SYT1: variants seen among roughly 807,000 people sequenced by gnomAD.
SYT1 encodes the protein synaptotagmin-1.
A neutral mutation model predicts 44.8 loss-of-function variants in SYT1; 8 were observed. The observed-to-expected ratio is 0.18, with a 90% CI of 0.10 to 0.32. The LOEUF is 0.32. SYT1 is among the 10% of genes least tolerant of loss of function. The probability of loss-of-function intolerance (pLI) is 1.00; values close to 1 mark genes in which losing one functional copy is unlikely to be tolerated. For missense variants in SYT1, 286 were observed against 509.3 expected (o/e 0.56, Z 4.22); for synonymous variants, 154 against 188.8 (o/e 0.82, Z 1.51).
intron 4 of SYT1, among the ~76,000 whole-genome samples, chr12:79,218,469 A>C (rs566663884): frequency 6.6e-6 from 1 of 152,262 alleles, no homozygotes; most frequent in South Asian, 2.1e-4. Context: ...GATCTCTCGA[A>C]CTTATTTCTC....
At chr12:79,120,969 ACAC>A (rs1274378026) in intron 3 of SYT1, among the ~76,000 whole-genome samples, 1 of 149,070 alleles carries the variant, frequency 6.7e-6, no homozygotes, top group Non-Finnish European at 1.5e-5. Flanking sequence ...ATATACACAC[ACAC>A]ATTTGTATAT....
At chr12:79,187,209 G>A (rs938906122) in intron 3 of SYT1, among the ~76,000 whole-genome samples, 7 of 152,050 alleles carry the variant, frequency 4.6e-5, no homozygotes, top group South Asian at 2.1e-4. Flanking sequence ...ATACACCAGC[G>A]AAGAATAAAA....
chr12:78,905,841 T>C (rs1416442766), intron 1 of SYT1, among the ~76,000 whole-genome samples: 1 of 152,060 alleles, frequency 6.6e-6, no homozygotes, highest in Non-Finnish European at 1.5e-5. Context: ...GTAAAATCTA[T>C]TTAAAACTCT....
chr12:79,368,624 T>C (rs1247029365), intron 9 of SYT1, among the ~76,000 whole-genome samples: 1 of 151,616 alleles, frequency 6.6e-6, no homozygotes, highest in Non-Finnish European at 1.5e-5. Context: ...ATTGTGGTTT[T>C]GATTTGCATT....
At chr12:78,972,243 T>A (rs949943237) in intron 1 of SYT1, among the ~76,000 whole-genome samples, 7 of 152,074 alleles carry the variant, frequency 4.6e-5, no homozygotes, top group African/African-American at 1.7e-4. Flanking sequence ...TCAGTGTAAT[T>A]ATTCCTTAAA....
intron 3 of SYT1, among the ~76,000 whole-genome samples, chr12:79,215,048 C>G (rs1215199981): frequency 6.6e-6 from 1 of 150,416 alleles, no homozygotes; most frequent in Non-Finnish European, 1.5e-5. Flanking sequence ...ACAGTTTTAC[C>G]CAAGTTGTAT....
At chr12:78,962,620 A>T (rs1879570939) in intron 1 of SYT1, among the ~76,000 whole-genome samples, 1 of 152,064 alleles carries the variant, frequency 6.6e-6, no homozygotes, top group Non-Finnish European at 1.5e-5. Flanking sequence ...GTGTATTCTC[A>T]TTCGTAATCT....
rs1003066655 is a variant in SYT1 at position 79,044,551 on chromosome 12, A to G, written c.-83-2746A>G. Among the ~76,000 whole-genome samples, 4 of 142,752 alleles carry G rather than the reference A, an allele frequency of 2.8e-5. No individual in the cohort carries two copies. In the Admixed American group the frequency reaches 2.9e-4, roughly 10 times the overall value. 93.7% of individuals were successfully genotyped at this position (142,752 alleles called of 152,430 possible). On this transcript the variant is annotated intron_variant, in intron 2 of 10. Coordinates refer to ENST00000261205, the MANE Select transcript of SYT1 (RefSeq NM_005639.3). ...TTCTAAATTTTTTTTCAAAGTTTTC[A>G]ACTTCTTTGCCTTTGGTTTGAATGT...
At chr12:79,053,419 A>T (rs1874679397) in intron 3 of SYT1, among the ~76,000 whole-genome samples, 1 of 152,014 alleles carries the variant, frequency 6.6e-6, no homozygotes, top group Non-Finnish European at 1.5e-5. Context: ...ATGACGAGTT[A>T]ATGGGTGCAG....
chr12:78,932,345 C>A (rs565587473), intron 1 of SYT1, among the ~76,000 whole-genome samples: 9 of 152,082 alleles, frequency 5.9e-5, no homozygotes, highest in Non-Finnish European at 1.2e-4. Flanking sequence ...GCCTCAGTTT[C>A]CTCATGCATA....
intron 3 of SYT1, among the ~76,000 whole-genome samples, chr12:79,204,102 T>C (rs73343561): frequency 6.6e-6 from 1 of 152,370 alleles, no homozygotes; most frequent in African/African-American, 2.4e-5. Flanking sequence ...GCAAATTCTC[T>C]CATCTATAAT....
intron 3 of SYT1, among the ~76,000 whole-genome samples, chr12:79,206,466 G>A (rs1874133917): frequency 1.3e-5 from 2 of 152,090 alleles, no homozygotes; most frequent in African/African-American, 4.8e-5. Flanking sequence ...GGGCCTGGCA[G>A]ACAGTGATAG....
At chr12:79,117,193 G>C (rs904141635) in intron 3 of SYT1, among the ~76,000 whole-genome samples, 1 of 152,052 alleles carries the variant, frequency 6.6e-6, no homozygotes, top group Non-Finnish European at 1.5e-5. Context: ...TCTTCACTCA[G>C]TTTTACTACA....
rs569331747 is a variant in SYT1, at chr12:79,195,282, C to A, written c.-17-22221C>A. Among the ~76,000 whole-genome samples, 325 of 152,184 alleles carry A rather than the reference C, an allele frequency of 2.1e-3. 2 individuals are homozygous for A. The highest frequency in any genetic ancestry group is 3.4e-3 in the Middle Eastern group (1 of 294). ...TCATTCTGTCATTCCTTTCTTAACT[C>A]TTTTTCCTATATTTGTCCATCATCT... On this transcript the variant is annotated intron_variant, in intron 3 of 10. Coordinates refer to ENST00000261205, the MANE Select transcript of SYT1 (RefSeq NM_005639.3).
At chr12:79,259,546 A>G (rs930457590) in intron 4 of SYT1, among the ~76,000 whole-genome samples, 3 of 152,166 alleles carry the variant, frequency 2.0e-5, no homozygotes, top group African/African-American at 7.2e-5. Flanking sequence ...CAGCCTGGGC[A>G]ACATATGGAG....
intron 3 of SYT1, among the ~76,000 whole-genome samples, chr12:79,098,634 G>T (rs925248129): frequency 2.0e-5 from 3 of 152,090 alleles, no homozygotes; most frequent in Non-Finnish European, 4.4e-5. Context: ...TAATGTTCTG[G>T]TTAGTGGTGA....
At chr12:78,865,433 C>G (rs1318815695) in intron 1 of SYT1, among the ~76,000 whole-genome samples, 1 of 152,098 alleles carries the variant, frequency 6.6e-6, no homozygotes, top group East Asian at 1.9e-4. Context: ...TCCCACACCT[C>G]CCCTCTCGCC....
chr12:79,243,451 T>C, intron 4 of SYT1, among the ~76,000 whole-genome samples: 1 of 152,350 alleles, frequency 6.6e-6, no homozygotes, highest in East Asian at 1.9e-4. Flanking sequence ...TTTGTGTTTA[T>C]GTATTAAAAT....
intron 2 of SYT1, among the ~76,000 whole-genome samples, chr12:79,025,747 C>T (rs555445999): frequency 1.1e-4 from 17 of 151,386 alleles, no homozygotes; most frequent in African/African-American, 1.9e-4. Context: ...TTTATGTGTG[C>T]GTGCATAATA....
Sources: allele counts gnomAD v4.1 joint callset (sites outside exome capture counted in the v4.1 genomes callset), GRCh38; gene constraint gnomAD v4.1.1; transcripts MANE v1.5; gene names NCBI Gene and HGNC (gene_info 2026-07-23, HGNC 2026-07-21).